Variants in CBFA2T3 observed in about 807,000 individuals in gnomAD.
CBFA2T3 encodes transcriptional corepressor CBFA2T3.
CBFA2T3 carries 31 observed loss-of-function variants against 58.6 expected under a neutral mutation model. That is an observed-to-expected ratio of 0.53 (90% confidence interval 0.40 to 0.71). The LOEUF (loss-of-function observed/expected upper bound fraction) is 0.71, where lower values mean the gene tolerates loss of function less well. Among genes scored for constraint, CBFA2T3 ranks in the 30% least tolerant of loss-of-function variants. CBFA2T3 has a pLI of 0.00. For synonymous variants in CBFA2T3, 531 were observed against 421.9 expected (o/e 1.26, Z -3.17); for missense variants, 1,076 against 963.1 (o/e 1.12, Z -1.55).
In CBFA2T3 at chr16:88,965,426, A is replaced by G. The variant is rs924484787; in HGVS notation, c.151+11231T>C. ...ATGTTTAGAGGCTGCAAATTGGCCCATGTGGCACCATTGCCAAGGGTCCTG... is the reference window on the plus strand; with the variant it reads ...ATGTTTAGAGGCTGCAAATTGGCCCGTGTGGCACCATTGCCAAGGGTCCTG... On this transcript the variant is annotated intron_variant, in intron 1 of 11. Coordinates refer to ENST00000268679, the MANE Select transcript of CBFA2T3 (RefSeq NM_005187.6). 3.3e-5 allele frequency among the ~76,000 whole-genome samples: 5 copies of G among 152,274 alleles called. No individual in the cohort carries two copies. In the East Asian group the frequency reaches 9.6e-4, roughly 29 times the overall value.
At chr16:88,951,317 A>T (rs1304835935) in intron 1 of CBFA2T3, 1 of 457,368 alleles carries the variant, frequency 2.2e-6, no homozygotes, top group African/African-American at 2.0e-5. Flanking sequence ...GAGTGTTGGC[A>T]CCTGTCTTCT....
rs201948893 is a variant in CBFA2T3 at position 88,976,712 on chromosome 16, G to C, written c.96C>G (p.Gly32=). 9.6e-6 allele frequency: 15 copies of C among 1,559,196 alleles called. No individual in the cohort carries two copies. Among genetic ancestry groups the C allele is most frequent in the Non-Finnish European group, 1.3e-5 (15 of 1,151,540 alleles). ...MSQTHPVLES[G]LLASAGCSAP... ...CGGAGCAGCCGGCAGATGCCAGGAG[G>C]CCGCTCTCCAGCACAGGGTGCGTCT... The change falls in exon 1 of 12, where the codon GGC becomes GGG. Residue 32 remains glycine, a synonymous_variant. Transcript: ENST00000268679.
chr16:88,974,891 C>T (rs906831775), intron 1 of CBFA2T3, among the ~76,000 whole-genome samples: 1 of 152,164 alleles, frequency 6.6e-6, no homozygotes, highest in Non-Finnish European at 1.5e-5. Context: ...GGATGAGAAG[C>T]CCCAAGTGCT....
In CBFA2T3 at chr16:88,885,322, A is replaced by T. The variant is rs1597665908; in HGVS notation, c.894-53T>A. The T allele has an allele frequency of 7.6e-7, 1 of 1,311,438 alleles. No homozygotes were observed. The highest frequency in any genetic ancestry group is 2.6e-5 in the East Asian group (1 of 38,770). 81.2% of individuals were successfully genotyped at this position (1,311,438 alleles called of 1,614,324 possible). On this transcript the variant is annotated intron_variant, in intron 6 of 11. Coordinates refer to ENST00000268679, the MANE Select transcript of CBFA2T3 (RefSeq NM_005187.6). This position sits in a 1 kb window ranked among gnomAD's most constrained non-coding sequence, Gnocchi z 5.3. ...GCAGTGGACATAGGATGAACCGGGGACAGAGGTGCAGGTGGGGTGAGAGGC... is the reference window on the plus strand; with the variant it reads ...GCAGTGGACATAGGATGAACCGGGGTCAGAGGTGCAGGTGGGGTGAGAGGC...
intron 1 of CBFA2T3, among the ~76,000 whole-genome samples, chr16:88,911,700 C>T (rs938137589): frequency 4.6e-5 from 7 of 152,286 alleles, no homozygotes; most frequent in Admixed American, 6.5e-5. Context: ...CCTGGCCGCT[C>T]GCCCTGGCCA....
rs537104037 is a variant in CBFA2T3, at chr16:88,890,027, G to T, written c.711+1855C>A. Among the ~76,000 whole-genome samples the T allele has an allele frequency of 3.5e-5, 5 of 142,830 alleles. No homozygotes were observed. The South Asian group carries it at 9.2e-4, about 26-fold the overall frequency. 93.7% of individuals were successfully genotyped at this position (142,830 alleles called of 152,430 possible). On this transcript the variant is annotated intron_variant, in intron 5 of 11. Transcript: ENST00000268679. Reference sequence around the variant, plus strand: ...GTTTCAAATCCCTGGACGATGCCCCGCGATTCCTCCTCCTCCAGGGGACGT... The same window carrying T: ...GTTTCAAATCCCTGGACGATGCCCCTCGATTCCTCCTCCTCCAGGGGACGT...
chr16:88,927,709 C>T (rs926779603), intron 1 of CBFA2T3, among the ~76,000 whole-genome samples: 10 of 152,164 alleles, frequency 6.6e-5, no homozygotes, highest in African/African-American at 1.4e-4. Flanking sequence ...ATCCCCCTTC[C>T]GCCTCCTCCT....
At chr16:88,950,489 C>T (rs59121772) in intron 1 of CBFA2T3, 1 of 394,998 alleles carries the variant, frequency 2.5e-6, no homozygotes, top group Non-Finnish European at 4.9e-6. Context: ...ACCGGCACCG[C>T]CACAGAGGGT....
chr16:88,937,674 G>T (rs1215717690), intron 1 of CBFA2T3: 1 of 152,336 alleles, frequency 6.6e-6, no homozygotes, highest in Non-Finnish European at 1.5e-5. Flanking sequence ...GTGCCCTCAG[G>T]GCTGGCTGCC....
intron 1 of CBFA2T3, among the ~76,000 whole-genome samples, chr16:88,925,526 CAGA>C (rs1971058113): frequency 1.3e-5 from 2 of 152,176 alleles, no homozygotes; most frequent in Admixed American, 6.5e-5. Flanking sequence ...CTCATCCCAG[CAGA>C]AGGACGACTC....
At position 88,884,749 on chromosome 16, in the gene CBFA2T3, G is replaced by A. The variant is rs1969288021; in HGVS notation, c.1117+297C>T. 1.8e-5 allele frequency: 6 copies of A among 330,200 alleles called. No individual in the cohort carries two copies. In the East Asian group the frequency reaches 2.0e-4, roughly 11 times the overall value. The allele number at this position is 330,200 out of a possible 1,614,324, so 20.5% of individuals were successfully genotyped here. A position where few individuals can be genotyped will look rare whatever the true frequency, so the allele number is the denominator to read the frequency against. On this transcript the variant is annotated intron_variant, in intron 7 of 11. Coordinates refer to ENST00000268679, the MANE Select transcript of CBFA2T3 (RefSeq NM_005187.6). The stretch of plus-strand genomic sequence containing the variant: ...AGGAAACTGAGAAGCAGAGAGCCAC[G>A]TGACTCACCTGTGGGTGGACTGTGG...
At chr16:88,960,062 A>T (rs1972321610) in intron 1 of CBFA2T3, among the ~76,000 whole-genome samples, 1 of 152,092 alleles carries the variant, frequency 6.6e-6, no homozygotes, top group South Asian at 2.1e-4. Context: ...AAATAAATAA[A>T]TCATTAAGGT....
intron 1 of CBFA2T3, among the ~76,000 whole-genome samples, chr16:88,917,584 T>C (rs80043174): frequency 0.046 from 7,012 of 152,238 alleles, 595 homozygotes; most frequent in African/African-American, 0.16. Context: ...AAAAAATGTG[T>C]GAATTGGCTG....
chr16:88,902,728 G>A (rs117425352), intron 1 of CBFA2T3, among the ~76,000 whole-genome samples: 1,968 of 152,346 alleles, frequency 0.013, 24 homozygotes, highest in Non-Finnish European at 0.02. Flanking sequence ...GCCAAAGCAA[G>A]GCAGAAAGAC....
chr16:88,924,416 G>C (rs1280346335), intron 1 of CBFA2T3, among the ~76,000 whole-genome samples: 1 of 152,144 alleles, frequency 6.6e-6, no homozygotes, highest in Non-Finnish European at 1.5e-5. Flanking sequence ...GGGACCCGGG[G>C]TCCAGGAAGG....
intron 1 of CBFA2T3, among the ~76,000 whole-genome samples, chr16:88,975,906 G>T (rs542676743): frequency 1.3e-5 from 2 of 152,366 alleles, no homozygotes; most frequent in East Asian, 3.9e-4. Context: ...AGCCCCGCGA[G>T]ACGGGAGACT....
chr16:88,976,633 C>A, intron 1 of CBFA2T3, 24 bp downstream of exon 1: 2 of 1,531,722 alleles, frequency 1.3e-6, no homozygotes, highest in Non-Finnish European at 1.8e-6. Flanking sequence ...CCCCACCCCA[C>A]CACCTTCCCC....
intron 1 of CBFA2T3, among the ~76,000 whole-genome samples, chr16:88,973,707 G>C (rs1972715044): frequency 6.6e-6 from 1 of 152,186 alleles, no homozygotes; most frequent in Admixed American, 6.5e-5. Flanking sequence ...AGGGGATGGA[G>C]GATGGAGAGT....
At chr16:88,971,392 G>A (rs755654685) in intron 1 of CBFA2T3, among the ~76,000 whole-genome samples, 2 of 152,224 alleles carry the variant, frequency 1.3e-5, no homozygotes, top group Non-Finnish European at 2.9e-5. Flanking sequence ...TTACAGGCAT[G>A]AGTCACGGCA....
Sources: gnomAD v4.1 joint callset for allele counts (sites outside exome capture counted in the v4.1 genomes callset) on GRCh38, gnomAD v4.1.1 for gene constraint, Gnocchi (gnomAD v3.1) non-coding constraint, MANE v1.5 for transcripts, NCBI Gene and HGNC (gene_info 2026-07-23, HGNC 2026-07-21) for gene names.